Variants in ELP4 observed in about 807,000 individuals in gnomAD.
ELP4 encodes elongator complex protein 4.
ELP4 carries 51 observed loss-of-function variants against 48.9 expected under a neutral mutation model. The observed-to-expected ratio is 1.04, with a 90% CI of 0.83 to 1.32. The LOEUF (loss-of-function observed/expected upper bound fraction) is 1.32. Among genes scored for constraint, ELP4 ranks in the 40% most tolerant of loss-of-function variants. The pLI is 0.00. For synonymous variants in ELP4, 210 were observed against 189.2 expected (o/e 1.11, Z -0.90); for missense variants, 519 against 514.6 (o/e 1.01, Z -0.08).
chr11:31,706,631 AT>A (rs1290230459), intron 9 of ELP4, among the ~76,000 whole-genome samples: 1 of 148,828 alleles, frequency 6.7e-6, no homozygotes, highest in Non-Finnish European at 1.5e-5. Context: ...TTTAATTCAT[AT>A]ATTTTAACTT....
At chr11:31,544,206 A>G (rs977177825) in intron 3 of ELP4, among the ~76,000 whole-genome samples, 26 of 152,238 alleles carry the variant, frequency 1.7e-4, no homozygotes, top group East Asian at 9.6e-4. Flanking sequence ...GCATTGCCTC[A>G]CTCGGGAAGC....
chr11:31,576,858 ACC>A (rs1338316970), intron 3 of ELP4, among the ~76,000 whole-genome samples: 1 of 152,190 alleles, frequency 6.6e-6, no homozygotes, highest in East Asian at 1.9e-4. Flanking sequence ...AAAAACTGAC[ACC>A]CTAACATCAC....
chr11:31,667,913 TC>T (rs1248609835), intron 9 of ELP4, among the ~76,000 whole-genome samples: 7 of 152,194 alleles, frequency 4.6e-5, no homozygotes, highest in Admixed American at 2.0e-4. Flanking sequence ...CCGTTACTCC[TC>T]CCAACTAATT....
intron 3 of ELP4, among the ~76,000 whole-genome samples, chr11:31,563,127 CA>C (rs1156447751): frequency 2.0e-5 from 3 of 152,044 alleles, no homozygotes; most frequent in Non-Finnish European, 2.9e-5. Flanking sequence ...ATACAGTTAC[CA>C]AAACCTGGAA....
At chr11:31,728,887 G>A (rs1382255524) in intron 9 of ELP4, among the ~76,000 whole-genome samples, 1 of 152,184 alleles carries the variant, frequency 6.6e-6, no homozygotes, top group Non-Finnish European at 1.5e-5. Context: ...AAAGGGTACA[G>A]TGTGATCTCC....
intron 3 of ELP4, among the ~76,000 whole-genome samples, chr11:31,544,602 C>G (rs1956662386): frequency 6.6e-6 from 1 of 152,200 alleles, no homozygotes; most frequent in African/African-American, 2.4e-5. Flanking sequence ...ACAGCAGTAA[C>G]CTCTGCAGAC....
intron 3 of ELP4, among the ~76,000 whole-genome samples, chr11:31,590,890 C>G (rs1957557508): frequency 1.3e-5 from 2 of 152,114 alleles, no homozygotes; most frequent in South Asian, 4.1e-4. Context: ...CCACCAGGTC[C>G]CACCTCCAAC....
At chr11:31,592,163 G>A (rs532322927) in intron 3 of ELP4, among the ~76,000 whole-genome samples, 1 of 152,166 alleles carries the variant, frequency 6.6e-6, no homozygotes, top group African/African-American at 2.4e-5. Flanking sequence ...TAGTGGTGAT[G>A]GTTACACAAC....
intron 9 of ELP4, chr11:31,651,478 GA>G (rs1468120720): frequency 2.0e-5 from 3 of 151,740 alleles, no homozygotes; most frequent in African/African-American, 7.2e-5. Context: ...TGAGAGTGTG[GA>G]AATAGTGATT....
intron 3 of ELP4, among the ~76,000 whole-genome samples, chr11:31,544,422 C>G (rs576587218): frequency 6.6e-6 from 1 of 152,316 alleles, no homozygotes; most frequent in South Asian, 2.1e-4. Context: ...TGAGATCAAA[C>G]TGCAAGGCGG....
chr11:31,631,359 C>T (rs1415528610), intron 6 of ELP4, among the ~76,000 whole-genome samples: 1 of 152,094 alleles, frequency 6.6e-6, no homozygotes, highest in Non-Finnish European at 1.5e-5. Context: ...ACTTACTTTT[C>T]CCATCAATTC....
intron 5 of ELP4, among the ~76,000 whole-genome samples, chr11:31,623,948 A>G (rs1179556808): frequency 2.0e-5 from 3 of 151,810 alleles, no homozygotes; most frequent in Non-Finnish European, 4.4e-5. Context: ...TGGCCAACAC[A>G]TATATGAAAA....
intron 9 of ELP4, among the ~76,000 whole-genome samples, chr11:31,747,192 C>T (rs573935197): frequency 5.0e-4 from 76 of 152,132 alleles, no homozygotes; most frequent in African/African-American, 1.7e-3. Flanking sequence ...AGAGAGAATA[C>T]AAGTGTTAAT....
chr11:31,580,143 G>A (rs926467056), intron 3 of ELP4, among the ~76,000 whole-genome samples: 7 of 151,988 alleles, frequency 4.6e-5, no homozygotes, highest in African/African-American at 1.5e-4. Flanking sequence ...CTTCAGAGAA[G>A]GCCTCTTGGG....
At chr11:31,561,064 C>T (rs1196576891) in intron 3 of ELP4, among the ~76,000 whole-genome samples, 9 of 152,244 alleles carry the variant, frequency 5.9e-5, no homozygotes, top group Middle Eastern at 6.8e-3. Context: ...TTAAACAATG[C>T]ATGACTTTCT....
At chr11:31,712,374 T>C (rs974696326) in intron 9 of ELP4, among the ~76,000 whole-genome samples, 1 of 152,096 alleles carries the variant, frequency 6.6e-6, no homozygotes, top group Non-Finnish European at 1.5e-5. Flanking sequence ...AAGGCAAAGT[T>C]TTGTATTTAG....
intron 2 of ELP4, among the ~76,000 whole-genome samples, chr11:31,530,916 T>A (rs1956386941): frequency 6.6e-6 from 1 of 152,214 alleles, no homozygotes; most frequent in African/African-American, 2.4e-5. Context: ...AGCATCTTTC[T>A]GAACCTAGAA....
chr11:31,583,934 T>TTTAATTCGTTCA (rs1957431480), intron 3 of ELP4, among the ~76,000 whole-genome samples: 1 of 152,054 alleles, frequency 6.6e-6, no homozygotes, highest in East Asian at 1.9e-4. Context: ...GTTCATTTAA[T>TTTAATTCGTTCA]TTTAATTAAT....
intron 9 of ELP4, among the ~76,000 whole-genome samples, chr11:31,735,581 G>A (rs968823214): frequency 2.6e-4 from 39 of 152,092 alleles, no homozygotes; most frequent in African/African-American, 7.0e-4. Flanking sequence ...AAACCCCATC[G>A]TCTCAGCCCA....
Sources: allele counts gnomAD v4.1 joint callset (sites outside exome capture counted in the v4.1 genomes callset), GRCh38; gene constraint gnomAD v4.1.1; transcripts MANE v1.5; gene names NCBI Gene and HGNC (gene_info 2026-07-23, HGNC 2026-07-21).